Variants in DNAJC24 observed in about 807,000 individuals in gnomAD.
The protein encoded by DNAJC24 is dnaJ homolog subfamily C member 24.
Under a neutral mutation model 18.0 loss-of-function variants are expected in DNAJC24, and 17 were observed. That is an observed-to-expected ratio of 0.94 (90% CI 0.65 to 1.42). The LOEUF (loss-of-function observed/expected upper bound fraction) is 1.42, where lower values mean the gene tolerates loss of function less well. DNAJC24 is among the 40% of genes most tolerant of loss of function. DNAJC24 has a pLI of 0.00. For missense variants in DNAJC24, 158 were observed against 175.6 expected, an observed-to-expected ratio of 0.90 and a Z score of 0.57; for synonymous variants, 55 against 57.7, an observed-to-expected ratio of 0.95 and a Z score of 0.21.
intron 2 of DNAJC24, among the ~76,000 whole-genome samples, chr11:31,401,857 T>TG (rs2133486110): frequency 6.6e-6 from 1 of 152,304 alleles, no homozygotes; most frequent in South Asian, 2.1e-4. Context: ...CTGAGAACCA[T>TG]GGGGCTGTCT....
chr11:31,394,986 G>T (rs1952531503), intron 2 of DNAJC24, among the ~76,000 whole-genome samples: 1 of 152,164 alleles, frequency 6.6e-6, no homozygotes, highest in South Asian at 2.1e-4. Flanking sequence ...CAGGTGATAA[G>T]CATAGTACCC....
chr11:31,420,425 G>T (rs532892568), intron 3 of DNAJC24, among the ~76,000 whole-genome samples: 2 of 151,992 alleles, frequency 1.3e-5, no homozygotes, highest in Non-Finnish European at 2.9e-5. Flanking sequence ...TACAATAGCA[G>T]AGTACTTCAG....
intron 2 of DNAJC24, among the ~76,000 whole-genome samples, chr11:31,399,769 G>C (rs1472719770): frequency 8.3e-6 from 1 of 120,738 alleles, no homozygotes; most frequent in Non-Finnish European, 1.6e-5. Flanking sequence ...TTTACTTCAA[G>C]CTCCAGGATA....
At chr11:31,386,301 A>G (rs1236253764) in intron 2 of DNAJC24, among the ~76,000 whole-genome samples, 1 of 150,962 alleles carries the variant, frequency 6.6e-6, no homozygotes, top group Non-Finnish European at 1.5e-5. Context: ...CCCTCCCCCA[A>G]CCCTAGGCAA....
chr11:31,382,856 G>T (rs1952389960), intron 2 of DNAJC24, among the ~76,000 whole-genome samples: 1 of 152,154 alleles, frequency 6.6e-6, no homozygotes, highest in Admixed American at 6.5e-5. Flanking sequence ...CTCCATGTTA[G>T]GTGTCAGATG....
chr11:31,379,500 T>A (rs1952354059), intron 2 of DNAJC24, among the ~76,000 whole-genome samples: 2 of 152,160 alleles, frequency 1.3e-5, no homozygotes, highest in African/African-American at 4.8e-5. Flanking sequence ...AGTCTGAGAA[T>A]TTTTTTCTTA....
Position 31,432,381 on chromosome 11 carries a change from C to T in DNAJC24, c.*1980C>T, listed in dbSNP as rs571901692. On this transcript the variant is annotated 3_prime_UTR_variant, in exon 5 of 5. Coordinates refer to ENST00000465995, the MANE Select transcript of DNAJC24 (RefSeq NM_181706.5). ...TGTGTTGAATATTCTTTACATTTAACAATTAAAAACAACTAAAACTGAATA... is the reference window on the plus strand; with the variant it reads ...TGTGTTGAATATTCTTTACATTTAATAATTAAAAACAACTAAAACTGAATA... The T allele has an allele frequency of 1.4e-4, 88 of 637,198 alleles. No individual in the cohort carries two copies. The Middle Eastern group carries it at 4.0e-3, about 29-fold the overall frequency. The allele number at this position is 637,198 out of a possible 1,614,324, so 39.5% of individuals were successfully genotyped here. A position where few individuals can be genotyped will look rare whatever the true frequency, so the allele number is the denominator to read the frequency against.
At chr11:31,381,308 C>T (rs1393734017) in intron 2 of DNAJC24, among the ~76,000 whole-genome samples, 2 of 152,034 alleles carry the variant, frequency 1.3e-5, no homozygotes, top group African/African-American at 4.8e-5. Context: ...ATTTGTATTA[C>T]ATATCTGTGC....
intron 3 of DNAJC24, among the ~76,000 whole-genome samples, chr11:31,423,685 T>A (rs1168258550): frequency 1.3e-5 from 2 of 152,178 alleles, no homozygotes; most frequent in African/African-American, 4.8e-5. Context: ...TATTTTTTTG[T>A]CAGATACTGG....
At chr11:31,428,895 C>G (rs750728740) in intron 4 of DNAJC24, among the ~76,000 whole-genome samples, 1 of 152,118 alleles carries the variant, frequency 6.6e-6, no homozygotes, top group African/African-American at 2.4e-5. Flanking sequence ...CAAAACTCCA[C>G]AGTAGCCCAT....
chr11:31,429,238 A>C (rs189315988), intron 4 of DNAJC24, among the ~76,000 whole-genome samples: 14 of 151,830 alleles, frequency 9.2e-5, no homozygotes, highest in East Asian at 1.9e-4. Flanking sequence ...AAAAAAAAAA[A>C]ACACATAAAG....
At chr11:31,379,215 A>C (rs546085827) in intron 2 of DNAJC24, among the ~76,000 whole-genome samples, 8 of 152,260 alleles carry the variant, frequency 5.3e-5, no homozygotes, top group African/African-American at 1.7e-4. Flanking sequence ...GTGCGGAGCC[A>C]GTGTGCGAGT....
intron 2 of DNAJC24, among the ~76,000 whole-genome samples, chr11:31,407,884 C>CT (rs1952671507): frequency 6.6e-6 from 1 of 150,452 alleles, no homozygotes; most frequent in Non-Finnish European, 1.5e-5. Flanking sequence ...GTAGGTGAAG[C>CT]CTGATACAAA....
intron 2 of DNAJC24, among the ~76,000 whole-genome samples, chr11:31,377,122 C>CT (rs1952323801): frequency 6.6e-6 from 1 of 152,052 alleles, no homozygotes; most frequent in Non-Finnish European, 1.5e-5. Flanking sequence ...CATTTTGTAT[C>CT]TAATTTTGTA....
chr11:31,415,429 T>G (rs148001649), intron 3 of DNAJC24: 1 of 152,388 alleles, frequency 6.6e-6, no homozygotes, highest in East Asian at 1.9e-4. Context: ...TCCTTGTGAT[T>G]GGTATAAATG....
intron 4 of DNAJC24, chr11:31,429,530 C>CT (rs1189537103): frequency 1.6e-5 from 6 of 384,986 alleles, no homozygotes; most frequent in Admixed American, 2.4e-5. Flanking sequence ...ATCAGAGATT[C>CT]TTTAAGTCAA....
intron 2 of DNAJC24, among the ~76,000 whole-genome samples, chr11:31,376,769 A>G (rs1952319526): frequency 6.6e-6 from 1 of 152,172 alleles, no homozygotes; most frequent in Non-Finnish European, 1.5e-5. Flanking sequence ...CTGGATTTCC[A>G]TAGAACACCT....
chr11:31,398,843 T>A (rs1256589119), intron 2 of DNAJC24, among the ~76,000 whole-genome samples: 2 of 152,200 alleles, frequency 1.3e-5, no homozygotes, highest in Admixed American at 1.3e-4. Flanking sequence ...TATGTGTACA[T>A]CGCCACTCTT....
At chr11:31,421,669 G>A (rs1952805448) in intron 3 of DNAJC24, among the ~76,000 whole-genome samples, 1 of 151,954 alleles carries the variant, frequency 6.6e-6, no homozygotes, top group African/African-American at 2.4e-5. Flanking sequence ...AGATAGAAAA[G>A]GTTTCCTGGG....
Sources: gnomAD v4.1 joint callset for allele counts (sites outside exome capture counted in the v4.1 genomes callset) on GRCh38, gnomAD v4.1.1 for gene constraint, MANE v1.5 for transcripts, NCBI Gene and HGNC (gene_info 2026-07-23, HGNC 2026-07-21) for gene names.